STON2: variants seen among roughly 807,000 people sequenced by gnomAD.
STON2 encodes stonin-2.
STON2 carries 29 observed loss-of-function variants against 65.7 expected under a neutral mutation model. That is an observed-to-expected ratio of 0.44 (90% CI 0.33 to 0.60). STON2 has a LOEUF of 0.60. Among genes scored for constraint, STON2 ranks in the 20% least tolerant of loss-of-function variants. The pLI, the probability that STON2 is intolerant of heterozygous loss-of-function variation, is 0.03. For missense variants in STON2, 1,054 were observed against 1,118.1 expected (o/e 0.94, Z 0.82); for synonymous variants, 404 against 414.2 (o/e 0.98, Z 0.30).
At chr14:81,376,574 T>G (rs1447695316) in intron 3 of STON2, among the ~76,000 whole-genome samples, 1 of 152,118 alleles carries the variant, frequency 6.6e-6, no homozygotes, top group Non-Finnish European at 1.5e-5. Context: ...AATCTTCCAC[T>G]AACTACTCCA....
upstream of STON2, among the ~76,000 whole-genome samples, chr14:81,403,260 A>C (rs767008299): frequency 5.9e-5 from 9 of 152,170 alleles, no homozygotes; most frequent in Non-Finnish European, 1.2e-4. Flanking sequence ...CTCACCTTCA[A>C]GTCTTAGCTC....
intron 1 of STON2, among the ~76,000 whole-genome samples, chr14:81,427,634 C>G (rs1429014076): frequency 6.6e-6 from 1 of 151,794 alleles, no homozygotes; most frequent in African/African-American, 2.4e-5. Flanking sequence ...GAGAAACATG[C>G]TGGATTTACT....
intron 6 of STON2, among the ~76,000 whole-genome samples, chr14:81,275,137 T>C (rs1477632901): frequency 6.6e-6 from 1 of 151,550 alleles, no homozygotes; most frequent in Non-Finnish European, 1.5e-5. Flanking sequence ...TTGTTGCTTA[T>C]AATAATAATA....
chr14:81,412,913 T>TGTGC lies in STON2; in HGVS notation c.-199+14188_-199+14189insGCAC. On this transcript the variant is annotated intron_variant, in intron 2 of 8. Transcript: ENST00000553821. ...GATGGCAGCTCCAGCCGGGCGATGC[T>TGTGC]TAGCACCTCCCCAGGAGACCGTTGC... 4 of 658,684 alleles carry TGTGC rather than the reference T, an allele frequency of 6.1e-6. 1 individual carries two copies. The highest frequency in any genetic ancestry group is 1.0e-5 in the Non-Finnish European group (4 of 390,268). The allele number at this position is 658,684 out of a possible 1,614,324, so 40.8% of individuals were successfully genotyped here. A position where few individuals can be genotyped will look rare whatever the true frequency, so the allele number is the denominator to read the frequency against.
chr14:81,387,176 A>T (rs1569013), intron 3 of STON2, among the ~76,000 whole-genome samples: 115,975 of 139,902 alleles, frequency 0.83, 46,064 homozygotes, highest in Non-Finnish European at 0.9. Flanking sequence ...TTTTTTTTTT[A>T]AAACATGCTG....
chr14:81,274,398 CT>C (rs1345417991), intron 6 of STON2, among the ~76,000 whole-genome samples: 1 of 152,192 alleles, frequency 6.6e-6, no homozygotes, highest in Non-Finnish European at 1.5e-5. Context: ...AGCATATAAG[CT>C]GCATTTACTT....
chr14:81,275,513 T>C (rs1894779359), intron 6 of STON2, among the ~76,000 whole-genome samples: 1 of 152,140 alleles, frequency 6.6e-6, no homozygotes, highest in Non-Finnish European at 1.5e-5. Context: ...TCTCTCTTCC[T>C]CTGTCAATTC....
At chr14:81,332,801 TTATTA>T (rs1897255961) in intron 4 of STON2, among the ~76,000 whole-genome samples, 1 of 152,210 alleles carries the variant, frequency 6.6e-6, no homozygotes, top group African/African-American at 2.4e-5. Flanking sequence ...TTAAGCATAT[TTATTA>T]TATCAGTCAT....
At chr14:81,406,985 T>C (rs1900897903) in intron 2 of STON2, among the ~76,000 whole-genome samples, 1 of 152,194 alleles carries the variant, frequency 6.6e-6, no homozygotes, top group African/African-American at 2.4e-5. Flanking sequence ...CTTAGCTCAG[T>C]ATGACTGCTG....
Position 81,264,852 on chromosome 14 carries a change from G to A in STON2, c.*3562C>T. On this transcript the variant is annotated 3_prime_UTR_variant, in exon 8 of 8. Coordinates refer to ENST00000614646, the MANE Select transcript of STON2 (RefSeq NM_001394390.1). ...GAGCAGGCAAGGGGGATCATCTAAT[G>A]GTCTCCCCACAAAGTGCCTCACATT... The A allele has an allele frequency of 1.0e-6, 1 of 985,280 alleles. No individual in the cohort carries two copies. Among genetic ancestry groups the A allele is most frequent in the Non-Finnish European group, 1.2e-6 (1 of 829,898 alleles). 61.0% of individuals were successfully genotyped at this position (985,280 alleles called of 1,614,324 possible).
At chr14:81,276,589 C>T (rs539513257) in intron 6 of STON2, among the ~76,000 whole-genome samples, 29 of 152,288 alleles carry the variant, frequency 1.9e-4, no homozygotes, top group East Asian at 5.8e-4. Flanking sequence ...ACAGCTAATA[C>T]GTTAATGAGT....
chr14:81,382,961 T>C (rs1034820148), intron 3 of STON2, among the ~76,000 whole-genome samples: 10 of 152,244 alleles, frequency 6.6e-5, no homozygotes, highest in African/African-American at 2.4e-4. Flanking sequence ...TAAGTTATTT[T>C]ATTCAGGTTC....
At chr14:81,351,450 C>T (rs1898021938) in intron 4 of STON2, among the ~76,000 whole-genome samples, 1 of 152,038 alleles carries the variant, frequency 6.6e-6, no homozygotes, top group African/African-American at 2.4e-5. Flanking sequence ...CCCTAGAGAA[C>T]CTGCTTGGGA....
intron 4 of STON2, among the ~76,000 whole-genome samples, chr14:81,338,502 A>G (rs868506653): frequency 6.6e-6 from 1 of 152,164 alleles, no homozygotes; most frequent in African/African-American, 2.4e-5. Flanking sequence ...ACCAGTAAAT[A>G]TAAGTACAGT....
At chr14:81,384,233 T>TTTTA (rs35642886) in intron 3 of STON2, among the ~76,000 whole-genome samples, 41,678 of 150,930 alleles carry the variant, frequency 0.28, 6,229 homozygotes, top group South Asian at 0.35. Context: ...ACTGTATTAT[T>TTTTA]TTTATTTATT....
At chr14:81,386,757 G>T (rs2140411734) in intron 3 of STON2, among the ~76,000 whole-genome samples, 1 of 152,290 alleles carries the variant, frequency 6.6e-6, no homozygotes, top group Non-Finnish European at 1.5e-5. Context: ...TGAACAGGAA[G>T]CTTCATGCTG....
chr14:81,361,348 C>A (rs1178845470), intron 4 of STON2, among the ~76,000 whole-genome samples: 2 of 152,068 alleles, frequency 1.3e-5, no homozygotes, highest in Non-Finnish European at 2.9e-5. Context: ...GAAATGAAAC[C>A]ACACATGTAC....
At chr14:81,381,744 C>T (rs1899529143) in intron 3 of STON2, among the ~76,000 whole-genome samples, 1 of 152,160 alleles carries the variant, frequency 6.6e-6, no homozygotes, top group African/African-American at 2.4e-5. Flanking sequence ...CTAGAAACCA[C>T]TTTAGAAAAT....
chr14:81,381,534 G>A (rs1899514392), intron 3 of STON2, among the ~76,000 whole-genome samples: 1 of 113,676 alleles, frequency 8.8e-6, no homozygotes, highest in African/African-American at 4.1e-5. Flanking sequence ...AATCCAAATG[G>A]CACCAAAAAA....
Sources: gnomAD v4.1 joint callset for allele counts (sites outside exome capture counted in the v4.1 genomes callset) on GRCh38, gnomAD v4.1.1 for gene constraint, MANE v1.5 for transcripts, NCBI Gene and HGNC (gene_info 2026-07-23, HGNC 2026-07-21) for gene names.